The following PCDHA5 variants were observed in gnomAD, a reference collection of about 807,000 sequenced individuals.
PCDHA5 encodes the protein protocadherin alpha 5.
Under a neutral mutation model 61.6 loss-of-function variants are expected in PCDHA5, and 43 were observed. The observed-to-expected ratio is 0.70, with a 90% CI of 0.55 to 0.90. The LOEUF is 0.90. Ranked by LOEUF, PCDHA5 falls within the 40% of genes least tolerant of loss-of-function variation. The probability of loss-of-function intolerance (pLI) is 0.00; values close to 1 mark genes in which losing one functional copy is unlikely to be tolerated. For missense variants in PCDHA5, 1,298 were observed against 1,222.7 expected, an observed-to-expected ratio of 1.06 and a Z score of -0.92; for synonymous variants, 627 against 543.9, an observed-to-expected ratio of 1.15 and a Z score of -2.13.
intron 3 of PCDHA5, among the ~76,000 whole-genome samples, chr5:140,986,934 C>T (rs1379562819): frequency 6.6e-6 from 1 of 152,160 alleles, no homozygotes; most frequent in East Asian, 1.9e-4. Flanking sequence ...AGGATGGAGG[C>T]TGGGTGTGGT....
At chr5:141,007,145 A>C (rs528280563) in intron 3 of PCDHA5, among the ~76,000 whole-genome samples, 1 of 152,330 alleles carries the variant, frequency 6.6e-6, no homozygotes, top group Admixed American at 6.5e-5. Context: ...CTGACAAAGG[A>C]AACTGTCAAA....
At chr5:140,868,818 T>TG (rs1170928689) in intron 1 of PCDHA5, 2 of 385,940 alleles carry the variant, frequency 5.2e-6, no homozygotes, top group Non-Finnish European at 9.1e-6. Flanking sequence ...TGGAAATATT[T>TG]GGGGGAAGAA....
chr5:140,977,974 A>G (rs2096783738), intron 1 of PCDHA5, among the ~76,000 whole-genome samples: 1 of 152,182 alleles, frequency 6.6e-6, no homozygotes, highest in African/African-American at 2.4e-5. Context: ...CCGCCCATGA[A>G]AACGCATCTA....
At chr5:140,987,990 C>T (rs57614084) in intron 3 of PCDHA5, among the ~76,000 whole-genome samples, 1 of 152,190 alleles carries the variant, frequency 6.6e-6, no homozygotes, top group African/African-American at 2.4e-5. Context: ...GACTCCATCT[C>T]TGATCCTTCC....
rs2150127070 is a variant in PCDHA5 at position 140,823,576 on chromosome 5, G to C, written c.1801G>C (p.Gly601Arg). The C allele has an allele frequency of 3.7e-6, 6 of 1,613,976 alleles. No homozygotes were observed. In the East Asian group the frequency reaches 1.3e-4, roughly 36 times the overall value. ...GGTGCGCGCAGTGGACCCTGATTCG[G>C]GCTACAACGCTTGGCTTTCGTATGA... ...AKVRAVDPDS[G>R]YNAWLSYELQ... Residue 601 changes from glycine to arginine, a missense_variant, in exon 1 of 4, where the codon GGC becomes CGC. By Grantham distance (125) the Gly-to-Arg change is moderately radical. Coordinates refer to ENST00000529859, the MANE Select transcript of PCDHA5 (RefSeq NM_018908.3).
Position 140,923,530 on chromosome 5 carries a change from A to G in PCDHA5, c.2353-55419A>G, listed in dbSNP as rs115719485. On this transcript the variant is annotated intron_variant, in intron 1 of 3. Coordinates refer to ENST00000529859, the MANE Select transcript of PCDHA5 (RefSeq NM_018908.3). ...GATGATGAAGTGAGATTCTGTCCCAAAAAAAGGACAAAATGAAATATCAGC... is the reference window on the plus strand; with the variant it reads ...GATGATGAAGTGAGATTCTGTCCCAGAAAAAGGACAAAATGAAATATCAGC... Among the ~76,000 whole-genome samples, 836 of 152,264 alleles carry G rather than the reference A, an allele frequency of 5.5e-3. 5 individuals carry two copies. The highest frequency in any genetic ancestry group is 0.019 in the African/African-American group (794 of 41,534).
intron 1 of PCDHA5, among the ~76,000 whole-genome samples, chr5:140,909,331 G>T (rs1162078506): frequency 6.6e-6 from 1 of 152,226 alleles, no homozygotes; most frequent in Admixed American, 6.5e-5. Context: ...ATCAATGGTT[G>T]CATACCAGGT....
At position 140,823,659 on chromosome 5, in the gene PCDHA5, C is replaced by A; in HGVS notation, c.1884C>A (p.Gly628=). The A allele has an allele frequency of 6.2e-7, 1 of 1,613,984 alleles. No individual in the cohort carries two copies. The highest frequency in any genetic ancestry group is 8.5e-7 in the Non-Finnish European group (1 of 1,179,912). ...CGTTCCGCGTGGGGCTGTACACAGG[C>A]GAGATCAGCACAACACGCTCTCTGG... ...RIPFRVGLYT[G]EISTTRSLDE... The change falls in exon 1 of 4, where the codon GGC becomes GGA. Residue 628 remains glycine, a synonymous_variant. Transcript: ENST00000529859.
chr5:140,855,778 TA>T, intron 1 of PCDHA5: 2 of 407,848 alleles, frequency 4.9e-6, no homozygotes, highest in Non-Finnish European at 8.8e-6. Context: ...TAAAAATACG[TA>T]AAAAAAGAAT....
rs369919324 is a variant in PCDHA5 at position 140,857,387 on chromosome 5, G to T, written c.2352+33260G>T. 3.0e-5 allele frequency: 48 copies of T among 1,598,472 alleles called. 4 individuals carry two copies. The highest frequency in any genetic ancestry group is 3.3e-5 in the Non-Finnish European group (38 of 1,167,956). ...CAGCGTGTCTGTGGAGGTGGCCGAC[G>T]TGAACGACAACGCGCCTGCGTTCGC... is the stretch of plus-strand genomic sequence containing the variant. On this transcript the variant is annotated intron_variant, in intron 1 of 3. Transcript: ENST00000529859.
chr5:140,861,502 T>A, intron 1 of PCDHA5: 1 of 482,002 alleles, frequency 2.1e-6, no homozygotes. Context: ...CTGATAGACC[T>A]CGAGGAGCTG....
chr5:140,825,720 C>G (rs1554130338), intron 1 of PCDHA5: 1 of 152,170 alleles, frequency 6.6e-6, no homozygotes, highest in Non-Finnish European at 1.5e-5. Context: ...TCGCGCCTGG[C>G]CTAAATTATT....
intron 1 of PCDHA5, among the ~76,000 whole-genome samples, chr5:140,839,681 GA>G (rs1261753126): frequency 6.6e-6 from 1 of 152,000 alleles, no homozygotes; most frequent in Non-Finnish European, 1.5e-5. Context: ...CAACTACAGA[GA>G]TTTTTTTGGG....
chr5:140,978,057 T>C (rs527562348), intron 1 of PCDHA5, among the ~76,000 whole-genome samples: 1 of 152,304 alleles, frequency 6.6e-6, no homozygotes, highest in South Asian at 2.1e-4. Context: ...ACTGATGATG[T>C]CCCAGTGATT....
intron 1 of PCDHA5, among the ~76,000 whole-genome samples, chr5:140,887,368 T>C (rs2061428699): frequency 6.6e-6 from 1 of 152,174 alleles, no homozygotes; most frequent in Non-Finnish European, 1.5e-5. Context: ...AGTGCTGGGA[T>C]TACAGGTGTG....
Position 140,841,227 on chromosome 5 carries a change from G to C in PCDHA5, c.2352+17100G>C, listed in dbSNP as rs1468435006. The C allele has an allele frequency of 2.1e-6, 3 of 1,454,606 alleles. No homozygotes were observed. The African/African-American group carries it at 4.3e-5, about 21-fold the overall frequency. The allele number at this position is 1,454,606 out of a possible 1,614,324, so 90.1% of individuals were successfully genotyped here. On this transcript the variant is annotated intron_variant, in intron 1 of 3. Transcript: ENST00000529859. The stretch of plus-strand genomic sequence containing the variant: ...ATCTGTCTCTAAAGGCCGAACAACG[G>C]GAGATGCAGCGGAATTGGATTAAAA...
In PCDHA5 at chr5:140,842,710, C is replaced by T. The variant is rs2150342683; in HGVS notation, c.2352+18583C>T. On this transcript the variant is annotated intron_variant, in intron 1 of 3. Coordinates refer to ENST00000529859, the MANE Select transcript of PCDHA5 (RefSeq NM_018908.3). ...TCGCGCAGCCCGAGTACACGGTGTT[C>T]GTGAAGGAGAACAACCCGCCGGGCT... The T allele has an allele frequency of 1.4e-5, 23 of 1,595,008 alleles. 3 individuals carry two copies. The Admixed American group carries it at 3.2e-4, about 22-fold the overall frequency.
chr5:140,983,806 G>T (rs981942088), intron 3 of PCDHA5, among the ~76,000 whole-genome samples: 1 of 152,110 alleles, frequency 6.6e-6, no homozygotes, highest in Non-Finnish European at 1.5e-5. Flanking sequence ...GTGTGTAAAA[G>T]GTTTTTTCCC....
chr5:140,951,176 A>G (rs1392502599), intron 1 of PCDHA5, among the ~76,000 whole-genome samples: 1 of 151,676 alleles, frequency 6.6e-6, no homozygotes, highest in Non-Finnish European at 1.5e-5. Context: ...CTTTAAAGTC[A>G]TTGTCCGCTA....
Sources: allele counts gnomAD v4.1 joint callset (sites outside exome capture counted in the v4.1 genomes callset), GRCh38; gene constraint gnomAD v4.1.1; transcripts MANE v1.5; gene names NCBI Gene and HGNC (gene_info 2026-07-23, HGNC 2026-07-21).